The following WWTR1 variants were observed in gnomAD, a reference collection of about 807,000 sequenced individuals.
WWTR1 encodes the protein WW domain-containing transcription regulator protein 1.
In WWTR1, 13 loss-of-function variants were observed where a neutral mutation model predicts 40.1. The ratio of observed to expected loss-of-function variants is 0.32; its 90% CI spans 0.21 to 0.52. The LOEUF is 0.52. Ranked by LOEUF, WWTR1 falls within the 20% of genes least tolerant of loss-of-function variation. The probability of loss-of-function intolerance (pLI) is 0.97; values close to 1 mark genes in which losing one functional copy is unlikely to be tolerated. For synonymous variants in WWTR1, 230 were observed against 210.1 expected (o/e 1.09, Z -0.82); for missense variants, 436 against 523.1 (o/e 0.83, Z 1.63).
At chr3:149,587,137 G>T (rs1738467315) in intron 2 of WWTR1, among the ~76,000 whole-genome samples, 2 of 152,162 alleles carry the variant, frequency 1.3e-5, no homozygotes, top group African/African-American at 4.8e-5. Flanking sequence ...ATCTAAAAAG[G>T]TGGGCTGGAG....
intron 3 of WWTR1, among the ~76,000 whole-genome samples, chr3:149,546,938 C>CA (rs1736389210): frequency 6.6e-6 from 1 of 152,098 alleles, no homozygotes; most frequent in Non-Finnish European, 1.5e-5. Context: ...TGACTTGTCT[C>CA]AACCCAGGAA....
chr3:149,577,622 A>G (rs1737947733), intron 2 of WWTR1, among the ~76,000 whole-genome samples: 1 of 152,186 alleles, frequency 6.6e-6, no homozygotes, highest in Admixed American at 6.5e-5. Flanking sequence ...AAGAAAGGTC[A>G]CCACGTCTCT....
Position 149,657,098 on chromosome 3 carries a change from G to A in WWTR1, c.209C>T (p.Ser70Leu), listed in dbSNP as rs1713284360. ...SHSRQSSTDS[S>L]GGHPGPRLAG... ...CAGTCGAGGCCCCGGGTGGCCGCCC[G>A]ACGAGTCGGTGCTGGACTGGCGCGA... Residue 70 changes from serine (S) to leucine (L), a missense_variant, in exon 2 of 7, where the codon TCG becomes TTG. Coordinates refer to ENST00000360632, the MANE Select transcript of WWTR1 (RefSeq NM_015472.6). 1.3e-6 allele frequency: 2 copies of A among 1,576,302 alleles called. No individual in the cohort carries two copies. The highest frequency in any genetic ancestry group is 8.6e-7 in the Non-Finnish European group (1 of 1,164,146).
chr3:149,647,344 C>T (rs1161481157), intron 2 of WWTR1, among the ~76,000 whole-genome samples: 2 of 151,942 alleles, frequency 1.3e-5, no homozygotes, highest in Non-Finnish European at 2.9e-5. Flanking sequence ...CATGAACTTT[C>T]GAGTTTAGAA....
rs1332768836 is a variant in WWTR1 at position 149,527,851 on chromosome 3, T to G, written c.890A>C (p.Asp297Ala). The G allele has an allele frequency of 1.2e-6, 2 of 1,614,090 alleles. No individual in the cohort carries two copies. The highest frequency in any genetic ancestry group is 1.7e-6 in the Non-Finnish European group (2 of 1,180,008). Residue 297 changes from aspartate (D) to alanine (A), a missense_variant, in exon 5 of 7, where the codon GAT (aspartate) becomes GCT (alanine). Asp to Ala is a moderately radical substitution (Grantham distance 126). Coordinates refer to ENST00000360632, the MANE Select transcript of WWTR1 (RefSeq NM_015472.6). ...DMRSITNNSS[D>A]PFLNGGPYHS... ...ATTAACTTACCCATTGAGGAAAGGA[T>G]CTGAGCTATTATTAGTGATGGATCT...
intron 3 of WWTR1, among the ~76,000 whole-genome samples, chr3:149,546,782 A>G (rs900884939): frequency 2.0e-5 from 3 of 152,228 alleles, no homozygotes; most frequent in African/African-American, 7.2e-5. Context: ...CTGAAAAACA[A>G]CAAATACAGC....
chr3:149,580,111 G>T (rs150534392), intron 2 of WWTR1, among the ~76,000 whole-genome samples: 1 of 152,278 alleles, frequency 6.6e-6, no homozygotes, highest in African/African-American at 2.4e-5. Context: ...TTACTTTCTC[G>T]TTGTATGTTG....
At chr3:149,522,338 C>T (rs771295349) in intron 6 of WWTR1, among the ~76,000 whole-genome samples, 1 of 152,122 alleles carries the variant, frequency 6.6e-6, no homozygotes, top group African/African-American at 2.4e-5. Context: ...GATGAAGGAA[C>T]CATCATCCAA....
chr3:149,675,098 C>A (rs1461926249), intron 1 of WWTR1, among the ~76,000 whole-genome samples: 1 of 152,168 alleles, frequency 6.6e-6, no homozygotes, highest in Non-Finnish European at 1.5e-5. Context: ...TATCTTACTT[C>A]TTTTGATTTT....
At chr3:149,709,885 C>T (rs1480285095) in intron 5 of WWTR1, among the ~76,000 whole-genome samples, 1 of 152,008 alleles carries the variant, frequency 6.6e-6, no homozygotes, top group Non-Finnish European at 1.5e-5. Flanking sequence ...GCCTGGGCAA[C>T]AAGAGCGAAA....
chr3:149,537,437 G>T (rs1279934538), intron 4 of WWTR1, among the ~76,000 whole-genome samples: 1 of 152,130 alleles, frequency 6.6e-6, no homozygotes. Flanking sequence ...AGACTAGAAA[G>T]AAATCATCAG....
chr3:149,628,737 T>TTTATTTTATTTTA (rs1553801366), intron 2 of WWTR1, among the ~76,000 whole-genome samples: 11 of 144,650 alleles, frequency 7.6e-5, no homozygotes, highest in African/African-American at 2.3e-4. Context: ...CTTTTTATTT[T>TTTATTTTATTTTA]TTTTATTTTA....
chr3:149,579,159 A>G (rs1185093133), intron 2 of WWTR1, among the ~76,000 whole-genome samples: 1 of 152,222 alleles, frequency 6.6e-6, no homozygotes, highest in Non-Finnish European at 1.5e-5. Flanking sequence ...GTCTTCAAAC[A>G]TAAGTGTTTT....
At chr3:149,664,282 G>A (rs1713712343) in intron 2 of WWTR1, among the ~76,000 whole-genome samples, 1 of 152,194 alleles carries the variant, frequency 6.6e-6, no homozygotes, top group Non-Finnish European at 1.5e-5. Flanking sequence ...ATAGATAAAG[G>A]TTTGAATAAT....
intron 3 of WWTR1, among the ~76,000 whole-genome samples, chr3:149,542,902 G>A (rs1394962616): frequency 6.6e-6 from 1 of 152,172 alleles, no homozygotes; most frequent in East Asian, 1.9e-4. Flanking sequence ...GTGTGTGTGT[G>A]TGCATGTGTA....
intron 2 of WWTR1, among the ~76,000 whole-genome samples, chr3:149,629,904 T>C (rs1345419617): frequency 2.0e-5 from 3 of 152,138 alleles, no homozygotes; most frequent in Admixed American, 2.0e-4. Context: ...TGGAGTGCAG[T>C]GGAGCAATCA....
rs1480760257 is a variant in WWTR1, at chr3:149,719,180, C to CT, written n.460-1615dup. Reference sequence around the variant, plus strand: ...ATATTCTTTTTCTTTTTTTTTTTTTCTTTTTTGAGACCGAGTCTCACTCTG... The same window carrying CT: ...ATATTCTTTTTCTTTTTTTTTTTTTCTTTTTTTGAGACCGAGTCTCACTCTG... On this transcript the variant is annotated intron_variant and non_coding_transcript_variant, in intron 4 of 6. Coordinates refer to the WWTR1 transcript ENST00000474080. 1.4e-4 allele frequency among the ~76,000 whole-genome samples: 15 copies of CT among 109,692 alleles called. 1 individual carries two copies. The highest frequency in any genetic ancestry group is 5.1e-4 in the African/African-American group (15 of 29,242). The allele number at this position is 109,692 out of a possible 152,430, so 72.0% of individuals were successfully genotyped here.
chr3:149,594,956 T>A (rs988729594), intron 2 of WWTR1, among the ~76,000 whole-genome samples: 1 of 114,286 alleles, frequency 8.7e-6, no homozygotes, highest in African/African-American at 3.7e-5. Context: ...TTTACTTTTT[T>A]TTTTTTTTTT....
chr3:149,687,014 A>C (rs1714678189), intron 1 of WWTR1, among the ~76,000 whole-genome samples: 1 of 152,202 alleles, frequency 6.6e-6, no homozygotes, highest in South Asian at 2.1e-4. Context: ...ATATGTTTGA[A>C]GGAGCCACAG....
Sources: gnomAD v4.1 joint callset for allele counts (sites outside exome capture counted in the v4.1 genomes callset) on GRCh38, gnomAD v4.1.1 for gene constraint, MANE v1.5 for transcripts, NCBI Gene and HGNC (gene_info 2026-07-23, HGNC 2026-07-21) for gene names.